Variants in TENM3 observed in about 807,000 individuals in gnomAD.
TENM3 encodes the protein teneurin transmembrane protein 3.
Under a neutral mutation model 255.1 loss-of-function variants are expected in TENM3, and 63 were observed. The observed-to-expected ratio is 0.25, with a 90% confidence interval of 0.20 to 0.30. The LOEUF is 0.30. TENM3 is among the 10% of genes least tolerant of loss of function. The pLI, the probability that TENM3 is intolerant of heterozygous loss-of-function variation, is 1.00. For missense variants in TENM3, 2,929 were observed against 3,461.1 expected (o/e 0.85, Z 3.86); for synonymous variants, 1,306 against 1,322.3 (o/e 0.99, Z 0.27).
the TENM3 span, among the ~76,000 whole-genome samples, chr4:181,715,204 G>A: frequency 6.6e-6 from 1 of 152,156 alleles, no homozygotes; most frequent in Non-Finnish European, 1.5e-5. Context: ...GGTCACCTCA[G>A]CAGTAGAGAA....
intron 8 of TENM3, 150 bp downstream of exon 8, chr4:182,680,026 G>A (rs991349156): frequency 2.5e-6 from 2 of 790,510 alleles, no homozygotes; most frequent in African/African-American, 1.7e-5. Flanking sequence ...CTTTATTTGG[G>A]AATATGTGAC....
At chr4:181,964,088 T>G in the TENM3 span, among the ~76,000 whole-genome samples, 3 of 145,744 alleles carry the variant, frequency 2.1e-5, no homozygotes, top group Non-Finnish European at 4.5e-5. Context: ...TTTTTTGAGG[T>G]CTCTCCCAAA....
intron 19 of TENM3, among the ~76,000 whole-genome samples, chr4:182,747,841 C>G (rs1762115234): frequency 6.6e-6 from 1 of 152,160 alleles, no homozygotes; most frequent in Admixed American, 6.5e-5. Context: ...TATCACACCC[C>G]AAGTCCCTGC....
intron 3 of TENM3, among the ~76,000 whole-genome samples, chr4:182,438,314 C>G (rs2151236726): frequency 6.6e-6 from 1 of 152,282 alleles, no homozygotes; most frequent in South Asian, 2.1e-4. Context: ...ACTGCAGTGA[C>G]CATTATTTAA....
chr4:181,903,106 G>A, the TENM3 span, among the ~76,000 whole-genome samples: 2 of 152,030 alleles, frequency 1.3e-5, no homozygotes, highest in Non-Finnish European at 2.9e-5. Context: ...AATTTACTCA[G>A]CAAATAGTCA....
At chr4:182,159,366 G>A (rs1262016556) in intron 1 of TENM3, among the ~76,000 whole-genome samples, 3 of 152,192 alleles carry the variant, frequency 2.0e-5, no homozygotes, top group Non-Finnish European at 4.4e-5. Flanking sequence ...CTTGTGGGGT[G>A]GCTGTGAAGA....
At chr4:181,682,875 A>G in the TENM3 span, among the ~76,000 whole-genome samples, 1 of 151,960 alleles carries the variant, frequency 6.6e-6, no homozygotes, top group Non-Finnish European at 1.5e-5. Context: ...CCCAACCAAG[A>G]GGGCAGTGCC....
intron 19 of TENM3, among the ~76,000 whole-genome samples, chr4:182,746,546 G>A (rs2152741213): frequency 6.6e-6 from 1 of 152,250 alleles, no homozygotes; most frequent in Middle Eastern, 3.4e-3. Flanking sequence ...TTGGGGCCTT[G>A]AGGGCTCTAA....
intron 1 of TENM3, among the ~76,000 whole-genome samples, chr4:182,164,841 T>C (rs756736153): frequency 2.0e-5 from 3 of 152,196 alleles, no homozygotes; most frequent in Admixed American, 6.5e-5. Context: ...CTCTGGGTTC[T>C]TTTTTCCCTC....
chr4:181,907,128 C>T, the TENM3 span, among the ~76,000 whole-genome samples: 3 of 152,292 alleles, frequency 2.0e-5, no homozygotes, highest in African/African-American at 4.8e-5. Flanking sequence ...TCAGGTTATT[C>T]GCCTGTCTCT....
At chr4:182,072,352 T>G in the TENM3 span, among the ~76,000 whole-genome samples, 2 of 152,192 alleles carry the variant, frequency 1.3e-5, no homozygotes, top group South Asian at 2.1e-4. Flanking sequence ...CGGCAGTCAG[T>G]GCTGACTCAT....
At chr4:182,220,327 A>G (rs1432374292) in intron 1 of TENM3, among the ~76,000 whole-genome samples, 1 of 146,232 alleles carries the variant, frequency 6.8e-6, no homozygotes, top group Admixed American at 7.0e-5. Context: ...CAGTGAGCAG[A>G]GATCACACCA....
At chr4:182,072,830 C>T in the TENM3 span, among the ~76,000 whole-genome samples, 1 of 152,160 alleles carries the variant, frequency 6.6e-6, no homozygotes, top group Non-Finnish European at 1.5e-5. Flanking sequence ...GTGCCGTGGA[C>T]TGAGTTGTGC....
intron 22 of TENM3, among the ~76,000 whole-genome samples, chr4:182,763,689 A>G (rs1221187398): frequency 4.6e-5 from 7 of 152,240 alleles, no homozygotes; most frequent in Admixed American, 1.3e-4. Flanking sequence ...AATAAAAGAA[A>G]GGTTACAGGA....
the TENM3 span, among the ~76,000 whole-genome samples, chr4:182,034,850 G>T: frequency 6.6e-6 from 1 of 152,082 alleles, no homozygotes; most frequent in African/African-American, 2.4e-5. Context: ...AGAATCTGAG[G>T]ATTATGTGTC....
At chr4:182,310,145 T>C (rs1180866511) in intron 1 of TENM3, among the ~76,000 whole-genome samples, 3 of 152,210 alleles carry the variant, frequency 2.0e-5, no homozygotes, top group Non-Finnish European at 4.4e-5. Flanking sequence ...GTTGTATTGA[T>C]ATAGTTTTTT....
intron 3 of TENM3, among the ~76,000 whole-genome samples, chr4:182,540,416 C>A (rs1343612260): frequency 6.6e-6 from 1 of 152,014 alleles, no homozygotes; most frequent in Non-Finnish European, 1.5e-5. Flanking sequence ...ATGGAGAAAC[C>A]CCGTCTCTAC....
chr4:181,654,520 G>A, the TENM3 span, among the ~76,000 whole-genome samples: 523 of 152,150 alleles, frequency 3.4e-3, no homozygotes, highest in Non-Finnish European at 5.6e-3. Context: ...TTGGGAGGCC[G>A]ATGAGGGTGG....
chr4:181,640,803 A>G, the TENM3 span, among the ~76,000 whole-genome samples: 1 of 152,184 alleles, frequency 6.6e-6, no homozygotes, highest in Non-Finnish European at 1.5e-5. Flanking sequence ...CCAGGTTGAC[A>G]GTCCTCTACC....
Sources: gnomAD v4.1 joint callset for allele counts (sites outside exome capture counted in the v4.1 genomes callset) on GRCh38, gnomAD v4.1.1 for gene constraint, MANE v1.5 for transcripts, NCBI Gene and HGNC (gene_info 2026-07-23, HGNC 2026-07-21) for gene names.